Variants in PTPRD observed in about 807,000 individuals in gnomAD.
PTPRD encodes the protein protein tyrosine phosphatase receptor type D, also known as receptor-type tyrosine-protein phosphatase delta.
Under a neutral mutation model 214.5 loss-of-function variants are expected in PTPRD, and 34 were observed. The observed-to-expected ratio is 0.16, with a 90% confidence interval of 0.12 to 0.21. PTPRD has a LOEUF of 0.21. Among genes scored for constraint, PTPRD ranks in the 10% least tolerant of loss-of-function variants. The pLI is 1.00. For synonymous variants in PTPRD, 1,128 were observed against 845.7 expected, an observed-to-expected ratio of 1.33 and a Z score of -5.79; for missense variants, 2,545 against 2,398.7, an observed-to-expected ratio of 1.06 and a Z score of -1.27.
intron 3 of PTPRD, among the ~76,000 whole-genome samples, chr9:10,096,581 G>A (rs1191441934): frequency 6.6e-6 from 1 of 151,772 alleles, no homozygotes; most frequent in African/African-American, 2.4e-5. Flanking sequence ...CTTTTTGATG[G>A]GGTTTTTTGT....
chr9:9,113,691 T>A (rs2099809309), intron 10 of PTPRD, among the ~76,000 whole-genome samples: 2 of 152,100 alleles, frequency 1.3e-5, no homozygotes, highest in African/African-American at 2.4e-5. Flanking sequence ...GGGTTAGGGG[T>A]AACATGTAGG....
At chr9:8,785,584 G>A (rs2095912590) in intron 11 of PTPRD, among the ~76,000 whole-genome samples, 1 of 152,272 alleles carries the variant, frequency 6.6e-6, no homozygotes, top group East Asian at 1.9e-4. Flanking sequence ...CTAGGCTGTG[G>A]CTACCAGCTA....
chr9:10,312,959 C>T (rs2096309269), intron 3 of PTPRD, among the ~76,000 whole-genome samples: 1 of 151,928 alleles, frequency 6.6e-6, no homozygotes, highest in Admixed American at 6.6e-5. Flanking sequence ...CAAACCCATC[C>T]TTTAGTCTGT....
intron 9 of PTPRD, among the ~76,000 whole-genome samples, chr9:9,188,482 A>G (rs894680814): frequency 4.6e-5 from 7 of 152,114 alleles, no homozygotes; most frequent in Non-Finnish European, 8.8e-5. Flanking sequence ...TTCCTGCAAT[A>G]TATGAGTGTT....
At position 8,727,642 on chromosome 9, in the gene PTPRD, TTTTGTTTG is replaced by T. The variant is rs139992060; in HGVS notation, c.64+6130_64+6137del. ...TGCTTTTTGTTTTGGTTTAGGTGTT[TTTTGTTTG>T]TTTGTTTGTTTGTTTGTTTGTTTTG... On this transcript the variant is annotated intron_variant, in intron 12 of 45. Transcript: ENST00000381196. 5.3e-3 allele frequency among the ~76,000 whole-genome samples: 804 copies of T among 151,516 alleles called. 2 individuals carry two copies. Among genetic ancestry groups the T allele is most frequent in the Middle Eastern group, 0.024 (7 of 294 alleles).
At chr9:8,413,606 T>C (rs1299021557) in intron 35 of PTPRD, among the ~76,000 whole-genome samples, 1 of 152,154 alleles carries the variant, frequency 6.6e-6, no homozygotes, top group Non-Finnish European at 1.5e-5. Context: ...CCATTAGTGC[T>C]TGCAGGTAAG....
At chr9:9,620,452 G>A (rs1021829175) in intron 7 of PTPRD, among the ~76,000 whole-genome samples, 33 of 152,090 alleles carry the variant, frequency 2.2e-4, no homozygotes, top group Admixed American at 1.9e-3. Context: ...TGTAAGAGCT[G>A]TATCATCTGA....
intron 3 of PTPRD, among the ~76,000 whole-genome samples, chr9:10,177,498 A>C (rs913959769): frequency 6.6e-6 from 1 of 151,846 alleles, no homozygotes; most frequent in African/African-American, 2.4e-5. Flanking sequence ...ATTGGAAAGA[A>C]CACACTGGTG....
At chr9:10,207,489 A>G (rs1010604267) in intron 3 of PTPRD, among the ~76,000 whole-genome samples, 5 of 152,106 alleles carry the variant, frequency 3.3e-5, no homozygotes, top group South Asian at 4.1e-4. Flanking sequence ...TTCTAAAAAT[A>G]TTTTGTGTAG....
rs558168205 is a variant in PTPRD at position 9,272,053 on chromosome 9, CT to C, written c.-202-88691del. On this transcript the variant is annotated intron_variant, in intron 9 of 45. Transcript: ENST00000381196. Reference sequence around the variant, plus strand: ...AGAATGGAGTTTTTTAAAGTCAAAACTTTTTTTTTTGACAGCAATTCCCCCC... The same window carrying C: ...AGAATGGAGTTTTTTAAAGTCAAAACTTTTTTTTTGACAGCAATTCCCCCC... Among the ~76,000 whole-genome samples, 657 of 148,054 alleles carry C rather than the reference CT, an allele frequency of 4.4e-3. 2 individuals carry two copies. The highest frequency in any genetic ancestry group is 0.015 in the African/African-American group (609 of 40,670).
At position 8,521,258 on chromosome 9, in the gene PTPRD, C is replaced by T. The variant is rs780190898; in HGVS notation, c.961+19G>A. On this transcript the variant is annotated intron_variant, in intron 20 of 45. Coordinates refer to ENST00000381196, the MANE Select transcript of PTPRD (RefSeq NM_002839.4). Reference sequence around the variant, plus strand: ...CTTGAGTGTACCCAGATCCTCAAAGCATAATCCATTGAGCATACCTTTGAC... The same window carrying T: ...CTTGAGTGTACCCAGATCCTCAAAGTATAATCCATTGAGCATACCTTTGAC... The T allele has an allele frequency of 6.9e-6, 11 of 1,598,548 alleles. No homozygotes were observed. The highest frequency in any genetic ancestry group is 1.1e-5 in the South Asian group (1 of 88,510).
intron 3 of PTPRD, among the ~76,000 whole-genome samples, chr9:10,040,008 A>C (rs2097266394): frequency 6.6e-6 from 1 of 152,086 alleles, no homozygotes; most frequent in Non-Finnish European, 1.5e-5. Flanking sequence ...AGCAGTCAGA[A>C]TTTCAAAGGC....
chr9:10,142,524 A>G (rs28830226), intron 3 of PTPRD, among the ~76,000 whole-genome samples: 122 of 152,266 alleles, frequency 8.0e-4, no homozygotes, highest in African/African-American at 2.6e-3. Flanking sequence ...ACATGAAAAA[A>G]TGCTCACCAT....
chr9:8,842,569 C>T (rs2097579581), intron 11 of PTPRD, among the ~76,000 whole-genome samples: 2 of 152,058 alleles, frequency 1.3e-5, no homozygotes, highest in South Asian at 4.2e-4. Context: ...GGTAGGGAGA[C>T]TGTGGAGAGG....
At chr9:8,467,999 C>T (rs150327243) in intron 31 of PTPRD, among the ~76,000 whole-genome samples, 1 of 152,096 alleles carries the variant, frequency 6.6e-6, no homozygotes, top group African/African-American at 2.4e-5. Flanking sequence ...ACTGATCAAA[C>T]CCTACCTTGG....
chr9:8,739,146 G>C (rs1453046107), intron 11 of PTPRD, among the ~76,000 whole-genome samples: 1 of 152,202 alleles, frequency 6.6e-6, no homozygotes, highest in Non-Finnish European at 1.5e-5. Context: ...CCTGAAGGAG[G>C]GGAGGGGCCT....
intron 22 of PTPRD, among the ~76,000 whole-genome samples, chr9:8,506,098 G>C (rs1032786576): frequency 1.3e-5 from 2 of 152,112 alleles, no homozygotes; most frequent in Non-Finnish European, 2.9e-5. Flanking sequence ...CAAACAGATG[G>C]AATAAAACAG....
chr9:8,593,568 G>A (rs934488725), intron 14 of PTPRD, among the ~76,000 whole-genome samples: 1 of 152,146 alleles, frequency 6.6e-6, no homozygotes, highest in Non-Finnish European at 1.5e-5. Context: ...TAGTATAGCT[G>A]GAGAAACATC....
At chr9:9,966,963 G>A (rs949846618) in intron 4 of PTPRD, among the ~76,000 whole-genome samples, 1 of 152,146 alleles carries the variant, frequency 6.6e-6, no homozygotes, top group African/African-American at 2.4e-5. Context: ...CCATTTGACA[G>A]AAGTAGCAGC....
Sources: allele counts gnomAD v4.1 joint callset (sites outside exome capture counted in the v4.1 genomes callset), GRCh38; gene constraint gnomAD v4.1.1; transcripts MANE v1.5; gene names NCBI Gene and HGNC (gene_info 2026-07-23, HGNC 2026-07-21).